Variants in SIMC1 observed in about 807,000 individuals in gnomAD.
SIMC1 encodes the protein SUMO interacting motifs containing 1.
In SIMC1, 55 loss-of-function variants were observed where a neutral mutation model predicts 82.3. The ratio of observed to expected loss-of-function variants is 0.67; its 90% CI spans 0.54 to 0.84. SIMC1 has a LOEUF of 0.84. SIMC1 is among the 40% of genes least tolerant of loss of function. The pLI, the probability that SIMC1 is intolerant of heterozygous loss-of-function variation, is 0.00. For synonymous variants in SIMC1, 353 were observed against 426.3 expected (o/e 0.83, Z 2.12); for missense variants, 915 against 1,107.2 (o/e 0.83, Z 2.46).
chr5:176,287,940 G>T (rs903813164), intron 1 of SIMC1, among the ~76,000 whole-genome samples: 2 of 152,146 alleles, frequency 1.3e-5, no homozygotes, highest in African/African-American at 4.8e-5. Flanking sequence ...AGAGGAAGGG[G>T]TTAGTTTAAC....
At chr5:176,248,780 A>T (rs1300318541) in intron 1 of SIMC1, among the ~76,000 whole-genome samples, 1 of 152,086 alleles carries the variant, frequency 6.6e-6, no homozygotes, top group Non-Finnish European at 1.5e-5. Context: ...GATACGTTTC[A>T]TCAACACCTA....
At chr5:176,273,437 C>G (rs922940504) in intron 1 of SIMC1, among the ~76,000 whole-genome samples, 1 of 152,128 alleles carries the variant, frequency 6.6e-6, no homozygotes, top group African/African-American at 2.4e-5. Flanking sequence ...CTGTATGTCA[C>G]CATCATCAAA....
chr5:176,325,388 A>AAAAAAT (rs1171990606), intron 7 of SIMC1, among the ~76,000 whole-genome samples: 34 of 151,562 alleles, frequency 2.2e-4, no homozygotes, highest in African/African-American at 7.5e-4. Context: ...TCCATCTCAA[A>AAAAAAT]AAAAATAAAA....
At chr5:176,282,588 A>G (rs185578304) in intron 1 of SIMC1, among the ~76,000 whole-genome samples, 2 of 152,274 alleles carry the variant, frequency 1.3e-5, no homozygotes, top group Admixed American at 1.3e-4. Flanking sequence ...CTCCCCCCGA[A>G]AAGCTGAAAA....
intron 1 of SIMC1, among the ~76,000 whole-genome samples, chr5:176,286,078 T>A (rs1435637505): frequency 5.3e-5 from 8 of 152,266 alleles, no homozygotes; most frequent in Admixed American, 5.2e-4. Flanking sequence ...ATTTATAGAT[T>A]CAATGCCATC....
intron 4 of SIMC1, among the ~76,000 whole-genome samples, chr5:176,306,921 TAA>T (rs778639984): frequency 1.1e-5 from 1 of 91,432 alleles, no homozygotes; most frequent in East Asian, 2.9e-4. Context: ...AAAAATAAAT[TAA>T]AAAAAAAAAA....
At chr5:176,327,152 A>G (rs1765429147) in intron 7 of SIMC1, among the ~76,000 whole-genome samples, 1 of 152,172 alleles carries the variant, frequency 6.6e-6, no homozygotes, top group Non-Finnish European at 1.5e-5. Flanking sequence ...AAGCTAAGGA[A>G]TAGGTAACAA....
chr5:176,299,941 A>G (rs1263651073), intron 4 of SIMC1, among the ~76,000 whole-genome samples: 1 of 152,204 alleles, frequency 6.6e-6, no homozygotes, highest in Non-Finnish European at 1.5e-5. Context: ...TCCAATCACA[A>G]TGGGATGAAA....
intron 5 of SIMC1, among the ~76,000 whole-genome samples, chr5:176,321,208 A>G (rs1165460843): frequency 2.0e-5 from 3 of 152,184 alleles, no homozygotes; most frequent in Non-Finnish European, 4.4e-5. Context: ...ATCATGCTAT[A>G]TGTAATCTAT....
intron 5 of SIMC1, among the ~76,000 whole-genome samples, chr5:176,316,906 G>A (rs1035220567): frequency 3.3e-5 from 5 of 152,072 alleles, no homozygotes; most frequent in Admixed American, 1.3e-4. Context: ...AGAATCATTT[G>A]AACCTGGGAG....
At chr5:176,323,282 C>T (rs980223088) in intron 6 of SIMC1, among the ~76,000 whole-genome samples, 1 of 152,182 alleles carries the variant, frequency 6.6e-6, no homozygotes, top group Middle Eastern at 3.2e-3. Context: ...CCCACACGGG[C>T]CACATACAGA....
chr5:176,243,111 T>A (rs1185664536), intron 1 of SIMC1, among the ~76,000 whole-genome samples: 3 of 152,044 alleles, frequency 2.0e-5, no homozygotes, highest in African/African-American at 7.3e-5. Flanking sequence ...CATTCTACTG[T>A]GGAAAGATAG....
At chr5:176,291,885 GC>G (rs1763592032) in intron 2 of SIMC1, among the ~76,000 whole-genome samples, 1 of 152,156 alleles carries the variant, frequency 6.6e-6, no homozygotes, top group Non-Finnish European at 1.5e-5. Context: ...CTCATCGTAG[GC>G]CTTATGTAAA....
intron 1 of SIMC1, among the ~76,000 whole-genome samples, chr5:176,268,905 T>A (rs988469850): frequency 3.9e-5 from 6 of 152,160 alleles, no homozygotes; most frequent in Non-Finnish European, 8.8e-5. Flanking sequence ...TTCACCAGGG[T>A]AGGCTGTGTG....
At position 176,342,943 on chromosome 5, in the gene SIMC1, C is replaced by T. The variant is rs77440352; in HGVS notation, c.2414-2240C>T. Reference sequence around the variant, plus strand: ...TTCCACTGTGTCCCCAGACTCTAGCCAGTTCCTGATATGCAGTAGGTGCTC... The same window carrying T: ...TTCCACTGTGTCCCCAGACTCTAGCTAGTTCCTGATATGCAGTAGGTGCTC... On this transcript the variant is annotated intron_variant, in intron 9 of 9. Coordinates refer to ENST00000429602, the MANE Select transcript of SIMC1 (RefSeq NM_001308195.2). 4.1e-3 allele frequency among the ~76,000 whole-genome samples: 631 copies of T among 152,340 alleles called. 4 individuals are homozygous for T. Among genetic ancestry groups the T allele is most frequent in the African/African-American group, 0.014 (593 of 41,572 alleles).
At chr5:176,339,422 T>C (rs895107159) in intron 9 of SIMC1, among the ~76,000 whole-genome samples, 8 of 152,134 alleles carry the variant, frequency 5.3e-5, no homozygotes, top group Non-Finnish European at 8.8e-5. Context: ...GTGCAGTTTG[T>C]GCATTTGTAG....
intron 4 of SIMC1, among the ~76,000 whole-genome samples, chr5:176,305,761 G>T (rs1474251313): frequency 1.8e-5 from 1 of 54,458 alleles, no homozygotes. Flanking sequence ...GAGGTGAGGG[G>T]GTCAGCCCCC....
intron 7 of SIMC1, among the ~76,000 whole-genome samples, chr5:176,333,423 T>C (rs991810460): frequency 1.3e-5 from 2 of 152,040 alleles, no homozygotes; most frequent in Admixed American, 6.5e-5. Context: ...TGGGGTTTTT[T>C]TGGTGTTTTG....
intron 1 of SIMC1, among the ~76,000 whole-genome samples, chr5:176,277,459 C>A (rs1351511644): frequency 4.0e-5 from 6 of 151,774 alleles, no homozygotes; most frequent in Non-Finnish European, 7.4e-5. Flanking sequence ...TTAATTAGAT[C>A]CCATTTGTCA....
Sources: allele counts gnomAD v4.1 joint callset (sites outside exome capture counted in the v4.1 genomes callset), GRCh38; gene constraint gnomAD v4.1.1; transcripts MANE v1.5; gene names NCBI Gene and HGNC (gene_info 2026-07-23, HGNC 2026-07-21).